The following SNAPC4 variants were observed in gnomAD, a reference collection of about 807,000 sequenced individuals.
The protein encoded by SNAPC4 is snRNA-activating protein complex subunit 4.
SNAPC4 carries 127 observed loss-of-function variants against 151.3 expected under a neutral mutation model. The observed-to-expected ratio is 0.84, with a 90% CI of 0.73 to 0.97. The LOEUF (loss-of-function observed/expected upper bound fraction) is 0.97. Ranked by LOEUF, SNAPC4 falls within the 50% of genes least tolerant of loss-of-function variation. The probability of loss-of-function intolerance (pLI) is 0.00; values close to 1 mark genes in which losing one functional copy is unlikely to be tolerated. For missense variants in SNAPC4, 2,186 were observed against 1,935.0 expected (o/e 1.13, Z -2.43); for synonymous variants, 1,002 against 824.4 (o/e 1.22, Z -3.69).
chr9:136,400,101 A>G (rs1834404677), intron 1 of SNAPC4, 33 bp downstream of exon 1: 1 of 151,922 alleles, frequency 6.6e-6, no homozygotes, highest in South Asian at 2.1e-4. Context: ...TGCCGACGCC[A>G]CCCGCGCCTC....
rs772244659 is a variant in SNAPC4 at position 136,394,248 on chromosome 9, C to T, written c.632+1G>A. On this transcript the variant is annotated splice_donor_variant, in intron 7 of 23. Coordinates refer to ENST00000684778, the MANE Select transcript of SNAPC4 (RefSeq NM_003086.4). LOFTEE classifies it high-confidence loss of function. ...TTTTTGACTTATGGTTTTAGACTTA[C>T]TTCAGTAACTTGGGCTGAAGCAATC... 5.6e-6 allele frequency: 9 copies of T among 1,611,696 alleles called. No homozygotes were observed. Among genetic ancestry groups the T allele is most frequent in the Admixed American group, 1.7e-5 (1 of 60,002 alleles).
intron 12 of SNAPC4, 37 bp from the exon 13 acceptor site, chr9:136,387,616 C>G: frequency 2.0e-6 from 3 of 1,528,118 alleles, no homozygotes; most frequent in Non-Finnish European, 2.7e-6. Flanking sequence ...GAAGCCTCTG[C>G]AGGTACGGCT....
At chr9:136,379,321 A>G in intron 21 of SNAPC4, 22 bp from the exon 22 acceptor site, 5 of 1,611,762 alleles carry the variant, frequency 3.1e-6, no homozygotes, top group South Asian at 2.2e-5. Flanking sequence ...AAAGACCCAC[A>G]CTTGATAAGC....
chr9:136,396,926 G>A (rs779100555), intron 3 of SNAPC4, 51 bp downstream of exon 3: 2 of 1,509,818 alleles, frequency 1.3e-6, no homozygotes, highest in Non-Finnish European at 1.8e-6. Flanking sequence ...TACTTTGGAA[G>A]GTGGTGGCAG....
In SNAPC4 at chr9:136,378,834, C is replaced by T; in HGVS notation, c.2993G>A (p.Gly998Asp). ...GGCTTGGGAAGCAGCAGGGGCTGTG[C>T]CCTCGGCCTCTGAGAAGACAGGAGC... ...PLAPVFSEAEGTAPAASQAPA... is the reference protein window; with the variant it reads ...PLAPVFSEAEDTAPAASQAPA... Residue 998 changes from glycine (G) to aspartate (D), a missense_variant, in exon 22 of 24, where the codon GGC becomes GAC. By Grantham distance (94) the Gly-to-Asp change is moderately conservative. Transcript: ENST00000684778. 1 of 1,602,438 alleles carries T rather than the reference C, an allele frequency of 6.2e-7. No homozygotes were observed. Among genetic ancestry groups the T allele is most frequent in the Non-Finnish European group, 8.5e-7 (1 of 1,174,856 alleles).
In SNAPC4 at chr9:136,378,502, G is replaced by A. The variant is rs367593176; in HGVS notation, c.3325C>T (p.Leu1109=). 39 of 1,591,506 alleles carry A rather than the reference G, an allele frequency of 2.5e-5. No individual in the cohort carries two copies. Among genetic ancestry groups the A allele is most frequent in the Non-Finnish European group, 3.3e-5 (39 of 1,174,764 alleles). The change falls in exon 22 of 24, where the codon CTG becomes TTG. Residue 1109 remains leucine (L), a synonymous_variant. Transcript: ENST00000684778. ...PAGTPGPAGL[L]ATLLPPLTET... The stretch of plus-strand genomic sequence containing the variant: ...GTCAGGGGAGGCAGCAGAGTGGCCA[G>A]CAGCCCTGCGGGGCCAGGGGTCCCT...
intron 10 of SNAPC4, among the ~76,000 whole-genome samples, chr9:136,390,468 T>C (rs1270194559): frequency 3.8e-5 from 5 of 131,236 alleles, no homozygotes; most frequent in East Asian, 5.1e-4. Flanking sequence ...GGCAGGAGAA[T>C]GGCGTGAACC....
chr9:136,379,810 C>T (rs1833621635), intron 21 of SNAPC4, 27 bp downstream of exon 21: 1 of 1,611,170 alleles, frequency 6.2e-7, no homozygotes, highest in Non-Finnish European at 8.5e-7. Context: ...AGGTCTCTTC[C>T]CCACCAGGGC....
At position 136,381,414 on chromosome 9, in the gene SNAPC4, T is replaced by C. The variant is rs762157506; in HGVS notation, c.2318-22A>G. ...TCCGCTGCGGGCACAGGGGGATAAG[T>C]GGAAAGCAGCCCCAGCTCCCATGGG... On this transcript the variant is annotated intron_variant, in intron 18 of 23. Coordinates refer to ENST00000684778, the MANE Select transcript of SNAPC4 (RefSeq NM_003086.4). 3.1e-6 allele frequency: 5 copies of C among 1,605,666 alleles called. No homozygotes were observed. The East Asian group carries it at 8.9e-5, about 29-fold the overall frequency.
chr9:136,399,877 C>T (rs572548910), intron 1 of SNAPC4, among the ~76,000 whole-genome samples: 8 of 152,254 alleles, frequency 5.3e-5, no homozygotes, highest in African/African-American at 1.9e-4. Context: ...CGCCCTGCAG[C>T]CGGGGCCGCC....
Position 136,395,192 on chromosome 9 carries a change from T to C in SNAPC4, c.471+106A>G, listed in dbSNP as rs952256879. The C allele has an allele frequency of 3.2e-5, 45 of 1,426,174 alleles. No homozygotes were observed. In the African/African-American group the frequency reaches 5.5e-4, roughly 17 times the overall value. The allele number at this position is 1,426,174 out of a possible 1,614,324, so 88.3% of individuals were successfully genotyped here. ...GTTTGAAGGAGGTTGGCCAATGTTA[T>C]CTTGAACTCACAGGAATTCACGACT... On this transcript the variant is annotated intron_variant, in intron 5 of 23. Coordinates refer to ENST00000684778, the MANE Select transcript of SNAPC4 (RefSeq NM_003086.4).
At chr9:136,392,297 G>A (rs1588762218) in intron 9 of SNAPC4, among the ~76,000 whole-genome samples, 191 bp from the exon 10 acceptor site, 5 of 152,290 alleles carry the variant, frequency 3.3e-5, no homozygotes, top group Admixed American at 3.3e-4. Context: ...AAGGCCGGGA[G>A]CCCTCCAGAC....
chr9:136,383,297 C>T lies in SNAPC4; in HGVS notation c.1872G>A (p.Glu624=), dbSNP rs1403457884. The change falls in exon 16 of 24, where the codon GAG becomes GAA. Residue 624 remains glutamate, a synonymous_variant. Transcript: ENST00000684778. The surrounding 1 kb of genome is among the most constrained non-coding windows in gnomAD (Gnocchi z 4.2). ...ASTTAAAPGE[E]TSPVQVPARA... ...TGGCAGGGACCTGCACCGGACTCGT[C>T]TCCTCTCCAGGAGCCGCGGCTGTGG... The T allele has an allele frequency of 6.2e-7, 1 of 1,612,040 alleles. No homozygotes were observed. The highest frequency in any genetic ancestry group is 8.5e-7 in the Non-Finnish European group (1 of 1,179,722).
rs961461416 is a variant in SNAPC4 at position 136,388,293 on chromosome 9, G to C, written c.1123+151C>G. 1.2e-4 allele frequency: 67 copies of C among 580,364 alleles called. 1 individual carries two copies. The highest frequency in any genetic ancestry group is 4.7e-4 in the Middle Eastern group (1 of 2,108). 36.0% of individuals were successfully genotyped at this position (580,364 alleles called of 1,614,324 possible). ...AAAAAAAAAAAAAAAAAAGTCACTT[G>C]AGTCACCAAGAAGCGAACTGTGGAA... is the stretch of plus-strand genomic sequence containing the variant. On this transcript the variant is annotated intron_variant, in intron 11 of 23. Transcript: ENST00000684778.
chr9:136,377,181 C>T lies in SNAPC4; in HGVS notation c.4284+362G>A, dbSNP rs372204842. ...CCACCACCCTCCACTGTGCCCATGG[C>T]CCACCCTGGGAGCACACGTGTGTGT... is the stretch of plus-strand genomic sequence containing the variant. On this transcript the variant is annotated intron_variant, in intron 22 of 23. Transcript: ENST00000684778. Among the ~76,000 whole-genome samples the T allele has an allele frequency of 3.9e-5, 6 of 152,346 alleles. No homozygotes were observed. The East Asian group carries it at 9.7e-4, about 25-fold the overall frequency.
intron 1 of SNAPC4, among the ~76,000 whole-genome samples, chr9:136,399,574 G>C (rs1432209652): frequency 6.6e-6 from 1 of 152,132 alleles, no homozygotes; most frequent in Non-Finnish European, 1.5e-5. Context: ...CTGACATCAG[G>C]GGCTGTCCCT....
At chr9:136,380,232 C>G (rs1434631669) in intron 20 of SNAPC4, among the ~76,000 whole-genome samples, 1 of 151,708 alleles carries the variant, frequency 6.6e-6, no homozygotes, top group East Asian at 1.9e-4. Flanking sequence ...GCCAGTGCAG[C>G]TCCTCCTAAG....
At chr9:136,379,596 C>T (rs538037223) in intron 21 of SNAPC4, among the ~76,000 whole-genome samples, 5 of 152,204 alleles carry the variant, frequency 3.3e-5, no homozygotes, top group Non-Finnish European at 5.9e-5. Context: ...TCGCTCCAGA[C>T]GACCCCTGCC....
At chr9:136,377,226 C>T (rs1434726002) in intron 22 of SNAPC4, among the ~76,000 whole-genome samples, 2 of 152,200 alleles carry the variant, frequency 1.3e-5, no homozygotes, top group Non-Finnish European at 2.9e-5. Flanking sequence ...GGCTCAGAGC[C>T]GGGTCAGCGT....
Sources: gnomAD v4.1 joint callset for allele counts (sites outside exome capture counted in the v4.1 genomes callset) on GRCh38, gnomAD v4.1.1 for gene constraint, Gnocchi (gnomAD v3.1) non-coding constraint, MANE v1.5 for transcripts, NCBI Gene and HGNC (gene_info 2026-07-23, HGNC 2026-07-21) for gene names.